The following MYO18B variants were observed in gnomAD, a reference collection of about 807,000 sequenced individuals.
MYO18B encodes myosin XVIIIB, also known as unconventional myosin-XVIIIb.
A neutral mutation model predicts 273.0 loss-of-function variants in MYO18B; 204 were observed. The observed-to-expected ratio is 0.75, with a 90% CI of 0.67 to 0.84. The LOEUF (loss-of-function observed/expected upper bound fraction) is 0.84. Ranked by LOEUF, MYO18B falls within the 40% of genes least tolerant of loss-of-function variation. The probability of loss-of-function intolerance (pLI) is 0.00; values close to 1 mark genes in which losing one functional copy is unlikely to be tolerated. For missense variants in MYO18B, 3,212 were observed against 3,287.6 expected (o/e 0.98, Z 0.56); for synonymous variants, 1,330 against 1,305.7 (o/e 1.02, Z -0.40).
Position 26,027,545 on chromosome 22 carries a change from TC to T in MYO18B, c.7572del (p.Ser2526ValfsTer35). 1 of 1,613,924 alleles carries T rather than the reference TC, an allele frequency of 6.2e-7. No individual in the cohort carries two copies. Among genetic ancestry groups the T allele is most frequent in the Non-Finnish European group, 8.5e-7 (1 of 1,179,872 alleles). Reference protein sequence around the residue: ...SIVSFKSADSIKSRPGIPRLA... With the variant: ...SIVSFKSADSXKSRPGIPRLA... ...GTGTCCTTCAAAAGTGCTGACAGCA[TC>T]AAAAGTCGACCAGGAATCCCACGAC... is the stretch of plus-strand genomic sequence containing the variant. On this transcript the variant is annotated frameshift_variant, in exon 43 of 44. Coordinates refer to ENST00000335473, the MANE Select transcript of MYO18B (RefSeq NM_032608.7). LOFTEE classifies it low-confidence loss of function (END_TRUNC). This position sits in a 1 kb window ranked among gnomAD's most constrained non-coding sequence, Gnocchi z 4.1.
chr22:26,021,219 A>G (rs1935787691), intron 42 of MYO18B, among the ~76,000 whole-genome samples: 1 of 152,158 alleles, frequency 6.6e-6, no homozygotes, highest in South Asian at 2.1e-4. Context: ...CAATTTCAGT[A>G]TTCCTGAGTT....
intron 43 of MYO18B, chr22:26,028,382 G>A (rs1301578000): frequency 6.6e-6 from 1 of 152,150 alleles, no homozygotes; most frequent in African/African-American, 2.4e-5. Flanking sequence ...CAGAAGATCC[G>A]TGGTGGGATC....
intron 22 of MYO18B, among the ~76,000 whole-genome samples, chr22:25,873,077 C>G (rs1315412908): frequency 6.6e-6 from 1 of 152,186 alleles, no homozygotes; most frequent in Admixed American, 6.5e-5. Context: ...AGGAGCAGGC[C>G]TGGCCCAGAA....
At chr22:25,831,166 T>C (rs1049152964) in intron 15 of MYO18B, among the ~76,000 whole-genome samples, 1 of 152,206 alleles carries the variant, frequency 6.6e-6, no homozygotes, top group African/African-American at 2.4e-5. Flanking sequence ...TTCCTGTATA[T>C]ATGAGTTTGT....
At chr22:26,005,665 G>C (rs561633029) in intron 42 of MYO18B, among the ~76,000 whole-genome samples, 1 of 152,284 alleles carries the variant, frequency 6.6e-6, no homozygotes, top group East Asian at 1.9e-4. Flanking sequence ...ATTAAGATGA[G>C]ATGCTCACAG....
chr22:25,990,058 G>A (rs1193046254), intron 39 of MYO18B, among the ~76,000 whole-genome samples: 5 of 152,170 alleles, frequency 3.3e-5, no homozygotes, highest in East Asian at 1.9e-4. Flanking sequence ...CCACCACGGC[G>A]TCCTTCCCGC....
intron 29 of MYO18B, chr22:25,899,799 A>AGAGTGACTGATAGTTCAGAT (rs2091893251): frequency 6.6e-6 from 1 of 150,964 alleles, no homozygotes; most frequent in African/African-American, 2.4e-5. Flanking sequence ...TCTGGGCCAG[A>AGAGTGACTGATAGTTCAGAT]GAGTGACTGA....
intron 21 of MYO18B, among the ~76,000 whole-genome samples, chr22:25,855,744 T>C (rs1410113002): frequency 1.3e-5 from 2 of 152,206 alleles, no homozygotes; most frequent in Non-Finnish European, 2.9e-5. Flanking sequence ...ATAGAAGGAT[T>C]TCTATTCCTT....
the MYO18B span, among the ~76,000 whole-genome samples, chr22:26,042,461 ATT>A: frequency 1.3e-5 from 2 of 152,240 alleles, no homozygotes; most frequent in Non-Finnish European, 2.9e-5. Flanking sequence ...CAGTGGAGCC[ATT>A]CTGTCCAGCT....
intron 20 of MYO18B, among the ~76,000 whole-genome samples, chr22:25,848,565 T>C (rs989433704): frequency 6.6e-6 from 1 of 152,146 alleles, no homozygotes; most frequent in Non-Finnish European, 1.5e-5. Flanking sequence ...TATCACCAGG[T>C]CCACCTGGGG....
chr22:25,916,152 C>T (rs992471736), intron 33 of MYO18B, among the ~76,000 whole-genome samples: 7 of 151,976 alleles, frequency 4.6e-5, no homozygotes, highest in Non-Finnish European at 8.8e-5. Context: ...GGTATTTTCT[C>T]GTTATTTAAA....
In MYO18B at chr22:25,768,890, G is replaced by C. The variant is rs1424027387; in HGVS notation, c.974G>C (p.Arg325Thr). 2 of 1,612,956 alleles carry C rather than the reference G, an allele frequency of 1.2e-6. No homozygotes were observed. The highest frequency in any genetic ancestry group is 3.3e-5 in the Admixed American group (2 of 59,870). ...GRKWGGFLGRRSKWDGPQNKK... is the reference protein window; with the variant it reads ...GRKWGGFLGRTSKWDGPQNKK... ...AAGTGGGGAGGTTTCCTGGGAAGAA[G>C]GAGTAAGTGGGACGGTCCCCAGAAT... The change falls in exon 4 of 44, where the codon AGG becomes ACG. Residue 325 changes from arginine to threonine, a missense_variant. Coordinates refer to ENST00000335473, the MANE Select transcript of MYO18B (RefSeq NM_032608.7).
chr22:26,048,220 G>A, the MYO18B span, among the ~76,000 whole-genome samples: 1 of 152,010 alleles, frequency 6.6e-6, no homozygotes, highest in African/African-American at 2.4e-5. Context: ...AAAGCCACGA[G>A]GACAAGAACT....
At chr22:26,060,847 A>C in the MYO18B span, among the ~76,000 whole-genome samples, 1 of 151,706 alleles carries the variant, frequency 6.6e-6, no homozygotes, top group East Asian at 1.9e-4. Context: ...CACAATATAC[A>C]CATATACATA....
intron 43 of MYO18B, among the ~76,000 whole-genome samples, chr22:26,029,398 CAG>C (rs1936535032): frequency 6.6e-6 from 1 of 152,150 alleles, no homozygotes; most frequent in African/African-American, 2.4e-5. Context: ...TGGACTCTAT[CAG>C]AGCAAACTAA....
At chr22:25,960,901 G>A (rs2092911149) in intron 39 of MYO18B, among the ~76,000 whole-genome samples, 1 of 152,046 alleles carries the variant, frequency 6.6e-6, no homozygotes, top group Admixed American at 6.6e-5. Flanking sequence ...TATAATCCTA[G>A]CACTTTGGGA....
downstream of MYO18B, among the ~76,000 whole-genome samples, chr22:26,035,251 C>T (rs1936756411): frequency 6.6e-6 from 1 of 152,216 alleles, no homozygotes; most frequent in Non-Finnish European, 1.5e-5. Context: ...CAAACCAAAA[C>T]AGTCAGGGTG....
At chr22:25,789,745 A>G (rs1191938098) in intron 11 of MYO18B, among the ~76,000 whole-genome samples, 1 of 152,176 alleles carries the variant, frequency 6.6e-6, no homozygotes, top group Non-Finnish European at 1.5e-5. Flanking sequence ...AAACCAGAAA[A>G]CAAGCGCCAT....
chr22:25,879,073 G>T (rs2091272291), intron 25 of MYO18B, among the ~76,000 whole-genome samples: 1 of 152,216 alleles, frequency 6.6e-6, no homozygotes, highest in South Asian at 2.1e-4. Context: ...TGAAGAGACA[G>T]GGAAAACTGT....
Sources: allele counts gnomAD v4.1 joint callset (sites outside exome capture counted in the v4.1 genomes callset), GRCh38; gene constraint gnomAD v4.1.1; non-coding constraint Gnocchi (gnomAD v3.1); transcripts MANE v1.5; gene names NCBI Gene and HGNC (gene_info 2026-07-23, HGNC 2026-07-21).